Variants in EIF4ENIF1 observed in about 807,000 individuals in gnomAD.
EIF4ENIF1 encodes the protein eukaryotic translation initiation factor 4E transporter.
Under a neutral mutation model 110.5 loss-of-function variants are expected in EIF4ENIF1, and 23 were observed. The observed-to-expected ratio is 0.21, with a 90% CI of 0.15 to 0.29. The LOEUF is 0.29. Ranked by LOEUF, EIF4ENIF1 falls within the 10% of genes least tolerant of loss-of-function variation. The probability of loss-of-function intolerance (pLI) is 1.00; values close to 1 mark genes in which losing one functional copy is unlikely to be tolerated. For synonymous variants in EIF4ENIF1, 440 were observed against 437.0 expected, an observed-to-expected ratio of 1.01 and a Z score of -0.09; for missense variants, 1,031 against 1,221.1, an observed-to-expected ratio of 0.84 and a Z score of 2.32.
intron 8 of EIF4ENIF1, 80 bp from the exon 9 acceptor site, chr22:31,455,395 C>A: frequency 3.6e-4 from 292 of 809,680 alleles, no homozygotes; most frequent in Non-Finnish European, 4.5e-4. Flanking sequence ...TTCTTTCTTT[C>A]TTTTTTTTTT....
chr22:31,493,371 C>CA (rs1158066162), upstream of EIF4ENIF1, among the ~76,000 whole-genome samples: 1 of 152,090 alleles, frequency 6.6e-6, no homozygotes, highest in Non-Finnish European at 1.5e-5. Flanking sequence ...CTCTGTCGCC[C>CA]AGGCTAGAGT....
At chr22:31,492,568 A>G (rs1445031918), upstream of EIF4ENIF1, among the ~76,000 whole-genome samples, 3 of 152,170 alleles carry the variant, frequency 2.0e-5, no homozygotes, top group Admixed American at 2.0e-4. Context: ...CTCTGTCCTT[A>G]TAGAAGAAGA....
chr22:31,490,352 C>T (rs1240842173), upstream of EIF4ENIF1, among the ~76,000 whole-genome samples: 2 of 152,236 alleles, frequency 1.3e-5, no homozygotes, highest in African/African-American at 4.8e-5. Context: ...CGAGCCTTCC[C>T]AGTGCGGGTT....
At position 31,479,312 on chromosome 22, in the gene EIF4ENIF1, C is replaced by T. The variant is rs5753644; in HGVS notation, c.97-7395G>A. 3 of 152,208 alleles carry T rather than the reference C, an allele frequency of 2.0e-5. No individual in the cohort carries two copies. In the East Asian group the frequency reaches 5.8e-4, roughly 30 times the overall value. 9.4% of individuals were successfully genotyped at this position (152,208 alleles called of 1,614,324 possible). Reference sequence around the variant, plus strand: ...CTGAGCTCAGGTAATCCGTTTGCCTCGGCCTCCCAAAGTGTTAGGATTACG... The same window carrying T: ...CTGAGCTCAGGTAATCCGTTTGCCTTGGCCTCCCAAAGTGTTAGGATTACG... On this transcript the variant is annotated intron_variant, in intron 2 of 18. Coordinates refer to ENST00000330125, the MANE Select transcript of EIF4ENIF1 (RefSeq NM_019843.4).
At chr22:31,450,439 C>CTTT in intron 10 of EIF4ENIF1, 79 bp from the exon 11 acceptor site, 1 of 1,134,782 alleles carries the variant, frequency 8.8e-7, no homozygotes, top group East Asian at 2.4e-5. Context: ...CACAAGAAAG[C>CTTT]ATAAAATACT....
At position 31,463,019 on chromosome 22, in the gene EIF4ENIF1, C is replaced by T. The variant is rs1472553201; in HGVS notation, c.700G>A (p.Glu234Lys). Residue 234 changes from glutamate to lysine, a missense_variant, in exon 6 of 19, where the codon GAA becomes AAA. Around this residue, in one of 3 missense-constraint regions of EIF4ENIF1, gnomAD observed 704 missense variants for 879.7 expected, o/e 0.80. Coordinates refer to ENST00000330125, the MANE Select transcript of EIF4ENIF1 (RefSeq NM_019843.4). ...AGPTSQSETI[E>K]LTGFDDKILE... ...ATCTTATCATCAAAGCCAGTCAGTT[C>T]GATGGTTTCAGACTGACTTGTGGGT... is the stretch of plus-strand genomic sequence containing the variant. The T allele has an allele frequency of 6.2e-7, 1 of 1,614,092 alleles. No individual in the cohort carries two copies. The highest frequency in any genetic ancestry group is 1.1e-5 in the South Asian group (1 of 91,068).
upstream of EIF4ENIF1, among the ~76,000 whole-genome samples, chr22:31,492,382 C>T (rs1430044678): frequency 6.6e-6 from 1 of 152,174 alleles, no homozygotes; most frequent in African/African-American, 2.4e-5. Flanking sequence ...TTTTAAACCA[C>T]CACAAGCCAT....
At chr22:31,459,006 T>C (rs950517928) in intron 6 of EIF4ENIF1, among the ~76,000 whole-genome samples, 2 of 150,332 alleles carry the variant, frequency 1.3e-5, no homozygotes, top group African/African-American at 4.9e-5. Context: ...CAGCTCACTG[T>C]AGTCTCTACC....
At chr22:31,488,520 G>T in intron 2 of EIF4ENIF1, 103 bp downstream of exon 2, 1 of 1,491,942 alleles carries the variant, frequency 6.7e-7, no homozygotes, top group Non-Finnish European at 9.2e-7. Flanking sequence ...TCCATGTAGT[G>T]AGTCAGAATG....
intron 2 of EIF4ENIF1, among the ~76,000 whole-genome samples, chr22:31,477,933 T>A (rs1216404114): frequency 2.0e-5 from 3 of 152,222 alleles, no homozygotes; most frequent in Admixed American, 6.5e-5. Context: ...TTTGAAACCA[T>A]ATGGAAAATG....
intron 7 of EIF4ENIF1, among the ~76,000 whole-genome samples, chr22:31,456,424 C>CAT (rs2050825054): frequency 1.3e-5 from 2 of 151,766 alleles, no homozygotes; most frequent in Admixed American, 6.6e-5. Flanking sequence ...GGGGTTTTAC[C>CAT]GTGTTAGCCA....
At chr22:31,489,249 G>T (rs2052165499) in intron 1 of EIF4ENIF1, 3 of 153,234 alleles carry the variant, frequency 2.0e-5, no homozygotes, top group Non-Finnish European at 4.4e-5. Context: ...GCCATGTCAG[G>T]GGCGCCGATG....
intron 7 of EIF4ENIF1, among the ~76,000 whole-genome samples, chr22:31,456,580 T>C (rs889692138): frequency 2.6e-5 from 4 of 151,942 alleles, no homozygotes; most frequent in African/African-American, 9.7e-5. Context: ...AGGGGTGCAA[T>C]CTTGGCTCAC....
In EIF4ENIF1 at chr22:31,468,311, C is replaced by CA; in HGVS notation, c.171-10dup. The CA allele has an allele frequency of 1.2e-6, 2 of 1,614,038 alleles. No individual in the cohort carries two copies. The highest frequency in any genetic ancestry group is 1.7e-6 in the Non-Finnish European group (2 of 1,179,982). Reference sequence around the variant, plus strand: ...GGTCCCAGACACCATCACTACAGGTCAAAAAATACAACTGTTAGCACTTAC... The same window carrying CA: ...GGTCCCAGACACCATCACTACAGGTCAAAAAAATACAACTGTTAGCACTTAC... On this transcript the variant is annotated splice_polypyrimidine_tract_variant and intron_variant, in intron 3 of 18. Coordinates refer to ENST00000330125, the MANE Select transcript of EIF4ENIF1 (RefSeq NM_019843.4).
At chr22:31,456,942 A>T (rs5997992) in intron 7 of EIF4ENIF1, among the ~76,000 whole-genome samples, 2 of 152,240 alleles carry the variant, frequency 1.3e-5, no homozygotes, top group African/African-American at 4.8e-5. Flanking sequence ...ACAGCATTCC[A>T]CTGACAAGCT....
chr22:31,454,065 T>A (rs1314702335), intron 10 of EIF4ENIF1, 79 bp downstream of exon 10: 2 of 1,348,300 alleles, frequency 1.5e-6, no homozygotes, highest in Non-Finnish European at 2.1e-6. Context: ...GAATACCTTT[T>A]TAAAAATCCT....
chr22:31,440,925 C>T (rs755750349), intron 17 of EIF4ENIF1, 57 bp from the exon 18 acceptor site: 1 of 1,597,672 alleles, frequency 6.3e-7, no homozygotes, highest in Non-Finnish European at 8.5e-7. Context: ...GGAAGTTTTC[C>T]AGCTTCACTG....
upstream of EIF4ENIF1, chr22:31,490,035 T>C (rs965760873): frequency 1.3e-5 from 2 of 152,114 alleles, no homozygotes; most frequent in African/African-American, 2.4e-5. Flanking sequence ...GGTGGGAAGG[T>C]GGTGGCGGCG....
chr22:31,486,898 T>G (rs186315947), intron 2 of EIF4ENIF1, among the ~76,000 whole-genome samples: 1 of 143,802 alleles, frequency 7.0e-6, no homozygotes, highest in Admixed American at 7.2e-5. Context: ...CTGACCAACA[T>G]GGAGAAACCC....
Sources: allele counts gnomAD v4.1 joint callset (sites outside exome capture counted in the v4.1 genomes callset), GRCh38; gene constraint gnomAD v4.1.1; regional missense constraint gnomAD v4.1.1; transcripts MANE v1.5; gene names NCBI Gene and HGNC (gene_info 2026-07-23, HGNC 2026-07-21).